IPMK: variants seen among roughly 807,000 people sequenced by gnomAD.
IPMK encodes the protein inositol 1,3,4,6-tetrakisphosphate 5-kinase.
In IPMK, 17 loss-of-function variants were observed where a neutral mutation model predicts 45.8. The observed-to-expected ratio is 0.37, with a 90% CI of 0.25 to 0.56. The LOEUF (loss-of-function observed/expected upper bound fraction) is 0.56. IPMK is among the 20% of genes least tolerant of loss of function. The probability of loss-of-function intolerance (pLI) is 0.79; values close to 1 mark genes in which losing one functional copy is unlikely to be tolerated. For synonymous variants in IPMK, 180 were observed against 184.3 expected (o/e 0.98, Z 0.19); for missense variants, 399 against 498.0 (o/e 0.80, Z 1.89).
In IPMK at chr10:58,194,718, C is replaced by T. The variant is rs1189258703; in HGVS notation, c.*1358G>A. ...GAATTTACAACCCCAAAATATTTTC[C>T]AGGAATATGACAAAACTGATAACTA... is the stretch of plus-strand genomic sequence containing the variant. On this transcript the variant is annotated 3_prime_UTR_variant, in exon 6 of 6. Transcript: ENST00000373935. The T allele has an allele frequency of 6.6e-6, 1 of 151,790 alleles. No individual in the cohort carries two copies. The allele number at this position is 151,790 out of a possible 1,614,324, so 9.4% of individuals were successfully genotyped here. A position where few individuals can be genotyped will look rare whatever the true frequency, so the allele number is the denominator to read the frequency against.
intron 1 of IPMK, among the ~76,000 whole-genome samples, chr10:58,256,282 C>T (rs747061945): frequency 2.2e-4 from 34 of 152,126 alleles, no homozygotes; most frequent in Non-Finnish European, 4.6e-4. Flanking sequence ...GGAATGCATT[C>T]CCAGGGAGAG....
intron 1 of IPMK, among the ~76,000 whole-genome samples, chr10:58,262,613 G>A (rs548183417): frequency 6.6e-6 from 1 of 152,246 alleles, no homozygotes; most frequent in African/African-American, 2.4e-5. Flanking sequence ...AGGGCTCCTT[G>A]AAGAAATGGT....
chr10:58,240,134 T>C (rs1272948064), intron 1 of IPMK, among the ~76,000 whole-genome samples: 2 of 151,884 alleles, frequency 1.3e-5, no homozygotes, highest in Middle Eastern at 3.4e-3. Flanking sequence ...ACAAAAAGTA[T>C]AAATATGCTA....
Position 58,195,485 on chromosome 10 carries a change from A to C in IPMK, c.*591T>G, listed in dbSNP as rs537908858. 2.0e-5 allele frequency: 3 copies of C among 152,100 alleles called. No homozygotes were observed. Among genetic ancestry groups the C allele is most frequent in the Non-Finnish European group, 4.4e-5 (3 of 67,972 alleles). The allele number at this position is 152,100 out of a possible 1,614,324, so 9.4% of individuals were successfully genotyped here. A position where few individuals can be genotyped will look rare whatever the true frequency, so the allele number is the denominator to read the frequency against. On this transcript the variant is annotated 3_prime_UTR_variant, in exon 6 of 6. Transcript: ENST00000373935. The stretch of plus-strand genomic sequence containing the variant: ...TAATATTTTGAGAGAGAGATGTAAA[A>C]ATTAAAGAGAAAACCTGCTTTTGGA...
chr10:58,257,691 G>A (rs1856564), intron 1 of IPMK, among the ~76,000 whole-genome samples: 51,406 of 151,820 alleles, frequency 0.34, 10,940 homozygotes, highest in African/African-American at 0.61. Context: ...GACACTTTTT[G>A]AAGACACAGA....
chr10:58,233,906 T>C (rs1487228166), intron 2 of IPMK, among the ~76,000 whole-genome samples: 2 of 152,210 alleles, frequency 1.3e-5, no homozygotes, highest in African/African-American at 2.4e-5. Context: ...CATGATTGTA[T>C]ATTTAGAAAA....
intron 3 of IPMK, among the ~76,000 whole-genome samples, chr10:58,223,246 C>T (rs1001319402): frequency 1.3e-5 from 2 of 151,956 alleles, no homozygotes; most frequent in Non-Finnish European, 2.9e-5. Context: ...CTATCTTAAA[C>T]GTAAGTTAAA....
rs1837824240 is a variant in IPMK, at chr10:58,191,949, C to G, written c.*4127G>C. The G allele has an allele frequency of 6.6e-6, 1 of 151,980 alleles. No individual in the cohort carries two copies. Among genetic ancestry groups the G allele is most frequent in the Non-Finnish European group, 1.5e-5 (1 of 67,918 alleles). 9.4% of individuals were successfully genotyped at this position (151,980 alleles called of 1,614,324 possible). Reference sequence around the variant, plus strand: ...ACTTAAAACTATTTCACTTTACAAACTGTTAAATTATATTTAAGTGGACAG... The same window carrying G: ...ACTTAAAACTATTTCACTTTACAAAGTGTTAAATTATATTTAAGTGGACAG... On this transcript the variant is annotated 3_prime_UTR_variant, in exon 6 of 6. Coordinates refer to ENST00000373935, the MANE Select transcript of IPMK (RefSeq NM_152230.5).
intron 5 of IPMK, among the ~76,000 whole-genome samples, chr10:58,197,597 C>T (rs573588097): frequency 4.3e-4 from 65 of 150,916 alleles, no homozygotes; most frequent in African/African-American, 1.6e-3. Flanking sequence ...TTGCAGCGAG[C>T]CGAGATCGCC....
intron 3 of IPMK, 90 bp downstream of exon 3, chr10:58,226,953 T>C: frequency 1.3e-6 from 1 of 763,754 alleles, no homozygotes; most frequent in Non-Finnish European, 2.2e-6. Flanking sequence ...TTATAATACA[T>C]ACTCAGTTAA....
intron 4 of IPMK, 67 bp from the exon 5 acceptor site, chr10:58,199,388 C>T: frequency 1.0e-6 from 1 of 957,922 alleles, no homozygotes; most frequent in Non-Finnish European, 1.5e-6. Context: ...ATCCCAGCCA[C>T]AAGGGTGGCT....
chr10:58,222,589 G>A (rs1036028179), intron 3 of IPMK, among the ~76,000 whole-genome samples: 1 of 152,132 alleles, frequency 6.6e-6, no homozygotes, highest in African/African-American at 2.4e-5. Flanking sequence ...TCATAAATAT[G>A]TGGAGTTCAT....
At chr10:58,247,661 G>A (rs1838822167) in intron 1 of IPMK, among the ~76,000 whole-genome samples, 1 of 152,134 alleles carries the variant, frequency 6.6e-6, no homozygotes, top group African/African-American at 2.4e-5. Context: ...GTTGTGGGGT[G>A]GGAGGAGGGG....
chr10:58,261,889 T>C (rs565108458), intron 1 of IPMK, among the ~76,000 whole-genome samples: 25 of 152,330 alleles, frequency 1.6e-4, no homozygotes, highest in African/African-American at 5.5e-4. Flanking sequence ...ACACAGTTTA[T>C]ACCCTCAGTA....
At chr10:58,261,107 T>TAA (rs11375552) in intron 1 of IPMK, among the ~76,000 whole-genome samples, 1,585 of 139,408 alleles carry the variant, frequency 0.011, 31 homozygotes, top group African/African-American at 0.036. Flanking sequence ...GGCTGAGCTA[T>TAA]AAAAAAAAAA....
At chr10:58,237,533 C>G (rs12254286) in intron 2 of IPMK, among the ~76,000 whole-genome samples, 196 bp downstream of exon 2, 1 of 152,142 alleles carries the variant, frequency 6.6e-6, no homozygotes, top group Non-Finnish European at 1.5e-5. Flanking sequence ...GAAGAAGAAT[C>G]TAAGAACTGA....
Position 58,194,914 on chromosome 10 carries a change from T to C in IPMK, c.*1162A>G, listed in dbSNP as rs372155435. ...ACAAATCTAATTTTTCCAGGAACTG[T>C]AGCACTGCCCCTGTCCCCATGAAAT... On this transcript the variant is annotated 3_prime_UTR_variant, in exon 6 of 6. Transcript: ENST00000373935. 6.6e-6 allele frequency: 1 copy of C among 151,902 alleles called. No homozygotes were observed. The highest frequency in any genetic ancestry group is 1.9e-4 in the East Asian group (1 of 5,194). The allele number at this position is 151,902 out of a possible 1,614,324, so 9.4% of individuals were successfully genotyped here. A position where few individuals can be genotyped will look rare whatever the true frequency, so the allele number is the denominator to read the frequency against.
At chr10:58,216,029 A>G in intron 4 of IPMK, 116 bp downstream of exon 4, 1 of 762,660 alleles carries the variant, frequency 1.3e-6, no homozygotes, top group African/African-American at 1.8e-5. Context: ...GTTACAGACA[A>G]CTCAATTCCA....
chr10:58,247,939 C>T (rs1335812005), intron 1 of IPMK, among the ~76,000 whole-genome samples: 1 of 152,058 alleles, frequency 6.6e-6, no homozygotes, highest in Non-Finnish European at 1.5e-5. Context: ...AGTGGATATC[C>T]ACAGCTTGCT....
Sources: allele counts gnomAD v4.1 joint callset (sites outside exome capture counted in the v4.1 genomes callset), GRCh38; gene constraint gnomAD v4.1.1; transcripts MANE v1.5; gene names NCBI Gene and HGNC (gene_info 2026-07-23, HGNC 2026-07-21).